Variants in SHTN1 observed in about 807,000 individuals in gnomAD.
The protein encoded by SHTN1 is shootin 1.
Under a neutral mutation model 83.1 loss-of-function variants are expected in SHTN1, and 42 were observed. The observed-to-expected ratio is 0.51, with a 90% CI of 0.39 to 0.65. The LOEUF (loss-of-function observed/expected upper bound fraction) is 0.65. Among genes scored for constraint, SHTN1 ranks in the 30% least tolerant of loss-of-function variants. SHTN1 has a pLI of 0.00. For synonymous variants in SHTN1, 224 were observed against 247.7 expected (o/e 0.90, Z 0.90); for missense variants, 622 against 737.8 (o/e 0.84, Z 1.82).
chr10:117,028,969 C>T (rs562846904), intron 2 of SHTN1, among the ~76,000 whole-genome samples: 1 of 152,148 alleles, frequency 6.6e-6, no homozygotes, highest in African/African-American at 2.4e-5. Context: ...AATGGCAGAC[C>T]CACCAGCAGC....
At chr10:117,087,276 TTA>T (rs1225861209) in intron 1 of SHTN1, among the ~76,000 whole-genome samples, 7 of 152,222 alleles carry the variant, frequency 4.6e-5, no homozygotes, top group Admixed American at 2.0e-4. Flanking sequence ...ATGGTTAATT[TTA>T]TGTTATGTGT....
At chr10:116,922,418 C>T (rs1848597249) in intron 11 of SHTN1, among the ~76,000 whole-genome samples, 1 of 151,310 alleles carries the variant, frequency 6.6e-6, no homozygotes, top group African/African-American at 2.4e-5. Context: ...TCTAGTAGAG[C>T]CAAAAATATA....
At chr10:116,896,356 T>C (rs1847520117) in intron 16 of SHTN1, among the ~76,000 whole-genome samples, 1 of 152,164 alleles carries the variant, frequency 6.6e-6, no homozygotes, top group African/African-American at 2.4e-5. Context: ...ATTAATTTCC[T>C]AGCTACTCAT....
At chr10:117,058,067 A>C (rs1011498249) in intron 1 of SHTN1, among the ~76,000 whole-genome samples, 5 of 152,246 alleles carry the variant, frequency 3.3e-5, no homozygotes, top group Non-Finnish European at 7.3e-5. Flanking sequence ...ACTTCAAACT[A>C]TAAAACTCTT....
At chr10:117,065,719 G>T (rs1157346691) in intron 1 of SHTN1, among the ~76,000 whole-genome samples, 3 of 46,212 alleles carry the variant, frequency 6.5e-5, no homozygotes, top group African/African-American at 9.4e-5. Context: ...GAGAGAGAGA[G>T]AGAGAGATGA....
Position 116,945,022 on chromosome 10 carries a change from A to C in SHTN1, c.617-4T>G. On this transcript the variant is annotated splice_polypyrimidine_tract_variant and splice_region_variant and intron_variant, in intron 7 of 16. Coordinates refer to ENST00000355371, the MANE Select transcript of SHTN1 (RefSeq NM_001127211.3). The stretch of plus-strand genomic sequence containing the variant: ...TCTTCTACAGCTAACATGGACACTT[A>C]AGAAGATAAAGGAAAAAAAAAACCC... The C allele has an allele frequency of 6.5e-7, 1 of 1,540,586 alleles. No homozygotes were observed. Among genetic ancestry groups the C allele is most frequent in the Non-Finnish European group, 8.9e-7 (1 of 1,124,746 alleles).
At position 116,906,112 on chromosome 10, in the gene SHTN1, T is replaced by C. The variant is rs578198189; in HGVS notation, c.1480+515A>G. On this transcript the variant is annotated intron_variant, in intron 15 of 16. Transcript: ENST00000355371. The stretch of plus-strand genomic sequence containing the variant: ...ATTTCTACTGCAACTACTAAATGAG[T>C]GCTCATTTTGTGCCATGCACATTGC... Among the ~76,000 whole-genome samples, 112 of 152,394 alleles carry C rather than the reference T, an allele frequency of 7.3e-4. 2 individuals are homozygous for C. In the South Asian group the frequency reaches 0.022, roughly 30 times the overall value.
chr10:116,966,889 T>C (rs961227955), intron 3 of SHTN1, among the ~76,000 whole-genome samples: 1 of 152,178 alleles, frequency 6.6e-6, no homozygotes, highest in African/African-American at 2.4e-5. Flanking sequence ...TACCATATAA[T>C]TGGAATTCAT....
intron 9 of SHTN1, among the ~76,000 whole-genome samples, chr10:116,935,422 T>G (rs572483729): frequency 2.0e-5 from 3 of 152,362 alleles, no homozygotes; most frequent in African/African-American, 4.8e-5. Flanking sequence ...ATTGAGATAA[T>G]CATGTGGTTT....
chr10:117,045,139 A>G (rs1381037468), intron 2 of SHTN1, among the ~76,000 whole-genome samples: 6 of 152,222 alleles, frequency 3.9e-5, no homozygotes, highest in Non-Finnish European at 8.8e-5. Flanking sequence ...TGTTCACAAC[A>G]TTCATTTATG....
chr10:117,045,472 T>A (rs1264644360), intron 2 of SHTN1, among the ~76,000 whole-genome samples: 2 of 152,154 alleles, frequency 1.3e-5, no homozygotes, highest in Admixed American at 1.3e-4. Context: ...AGGGACCTAC[T>A]AATACAAGGC....
intron 1 of SHTN1, among the ~76,000 whole-genome samples, chr10:117,106,012 C>T (rs1853663569): frequency 3.3e-5 from 5 of 150,776 alleles, no homozygotes; most frequent in African/African-American, 1.2e-4. Context: ...GACCTGGCCT[C>T]AGAAACAAAA....
chr10:116,934,226 G>GA (rs1025564414), intron 9 of SHTN1, among the ~76,000 whole-genome samples: 1 of 152,120 alleles, frequency 6.6e-6, no homozygotes, highest in African/African-American at 2.4e-5. Flanking sequence ...TTTTAGTCAT[G>GA]AAGTCTTTGC....
chr10:116,920,502 C>T (rs1163861196), intron 12 of SHTN1, among the ~76,000 whole-genome samples: 1 of 152,150 alleles, frequency 6.6e-6, no homozygotes, highest in Non-Finnish European at 1.5e-5. Flanking sequence ...CCTGCTGCTA[C>T]TACCCTCATG....
intron 2 of SHTN1, among the ~76,000 whole-genome samples, chr10:116,969,813 T>A (rs1392770737): frequency 6.6e-6 from 1 of 152,168 alleles, no homozygotes; most frequent in Non-Finnish European, 1.5e-5. Flanking sequence ...GAATTCAGTA[T>A]ATCTTGAATT....
chr10:117,077,454 CT>C (rs542008461), intron 1 of SHTN1, among the ~76,000 whole-genome samples: 18 of 148,038 alleles, frequency 1.2e-4, no homozygotes, highest in Non-Finnish European at 2.0e-4. Flanking sequence ...TCACCAAAAT[CT>C]TTTTTTTTTA....
Position 117,111,757 on chromosome 10 carries a change from C to T in SHTN1, c.-189+14550G>A, listed in dbSNP as rs558291365. On this transcript the variant is annotated intron_variant, in intron 1 of 17. Transcript: ENST00000392901. The stretch of plus-strand genomic sequence containing the variant: ...TACACTAAAACTTAGAACTAAATCC[C>T]CAAAACTCTCAATGTTCTTGTCACA... Among the ~76,000 whole-genome samples the T allele has an allele frequency of 1.8e-4, 28 of 152,150 alleles. 1 individual carries two copies. The South Asian group carries it at 5.4e-3, about 29-fold the overall frequency.
intron 1 of SHTN1, among the ~76,000 whole-genome samples, chr10:117,070,124 TA>T (rs11453268): frequency 4.5e-4 from 65 of 145,664 alleles, no homozygotes; most frequent in African/African-American, 8.4e-4. Context: ...ATCAAACTGC[TA>T]AAAAAAAAAA....
At chr10:116,945,883 T>C (rs1347066523) in intron 7 of SHTN1, among the ~76,000 whole-genome samples, 25 of 152,266 alleles carry the variant, frequency 1.6e-4, no homozygotes, top group Admixed American at 1.2e-3. Context: ...TCTAATGGAA[T>C]AGTATATAGC....
Sources: gnomAD v4.1 joint callset for allele counts (sites outside exome capture counted in the v4.1 genomes callset) on GRCh38, gnomAD v4.1.1 for gene constraint, MANE v1.5 for transcripts, NCBI Gene and HGNC (gene_info 2026-07-23, HGNC 2026-07-21) for gene names.